Variants in IGF2R observed in about 807,000 individuals in gnomAD.
The protein encoded by IGF2R is insulin like growth factor 2 receptor, also known as cation-independent mannose-6-phosphate receptor.
A neutral mutation model predicts 270.6 loss-of-function variants in IGF2R; 91 were observed. That is an observed-to-expected ratio of 0.34 (90% CI 0.28 to 0.40). The LOEUF (loss-of-function observed/expected upper bound fraction) is 0.40, where lower values mean the gene tolerates loss of function less well. IGF2R is among the 10% of genes least tolerant of loss of function. The pLI, the probability that IGF2R is intolerant of heterozygous loss-of-function variation, is 1.00. For missense variants in IGF2R, 2,805 were observed against 3,188.3 expected, an observed-to-expected ratio of 0.88 and a Z score of 2.90; for synonymous variants, 1,316 against 1,258.9, an observed-to-expected ratio of 1.05 and a Z score of -0.96.
In IGF2R at chr6:160,056,502, C is replaced by G; in HGVS notation, c.2773C>G (p.Gln925Glu). The G allele has an allele frequency of 2.5e-6, 4 of 1,613,106 alleles. No homozygotes were observed. Among genetic ancestry groups the G allele is most frequent in the Non-Finnish European group, 3.4e-6 (4 of 1,179,042 alleles). Residue 925 changes from glutamine (Q) to glutamate (E), a missense_variant, in exon 20 of 48, where the codon CAG becomes GAG. By Grantham distance (29) the Gln-to-Glu change is conservative. Transcript: ENST00000356956. ...GAACACAGAGGCTGCCTGTCCCATT[C>G]AGACAACGACGGATACAGACCAGGT... is the stretch of plus-strand genomic sequence containing the variant. ...LWNTEAACPIQTTTDTDQACS... is the reference protein window; with the variant it reads ...LWNTEAACPIETTTDTDQACS...
intron 10 of IGF2R, among the ~76,000 whole-genome samples, chr6:160,038,184 A>G (rs2063630004): frequency 6.6e-6 from 1 of 152,160 alleles, no homozygotes; most frequent in South Asian, 2.1e-4. Context: ...AATAAACTAG[A>G]GCCTGTGGTG....
At chr6:160,064,747 G>A in intron 28 of IGF2R, 57 bp from the exon 29 acceptor site, 1 of 1,295,508 alleles carries the variant, frequency 7.7e-7, no homozygotes, top group East Asian at 2.3e-5. Context: ...AAAACTCAAA[G>A]TATAAACTAA....
chr6:160,101,276 G>A (rs1779479662), intron 45 of IGF2R, among the ~76,000 whole-genome samples: 1 of 152,228 alleles, frequency 6.6e-6, no homozygotes, highest in Non-Finnish European at 1.5e-5. Context: ...GAGTGATGAT[G>A]TGTCTCTTGG....
chr6:160,009,559 G>A (rs3798191), intron 3 of IGF2R, among the ~76,000 whole-genome samples: 25,615 of 152,074 alleles, frequency 0.17, 2,633 homozygotes, highest in East Asian at 0.43. Context: ...TTTAGGAGAA[G>A]CCTTGGCCCG....
intron 44 of IGF2R, among the ~76,000 whole-genome samples, chr6:160,090,725 A>T (rs1276363229): frequency 2.6e-5 from 4 of 151,858 alleles, no homozygotes; most frequent in Admixed American, 1.3e-4. Flanking sequence ...ATAACTCTTT[A>T]AAAAAAAATG....
At chr6:160,036,101 T>G (rs1381376936) in intron 10 of IGF2R, among the ~76,000 whole-genome samples, 1 of 152,158 alleles carries the variant, frequency 6.6e-6, no homozygotes, top group Non-Finnish European at 1.5e-5. Context: ...GAAACTTGTA[T>G]GTCCTGCAGA....
chr6:160,063,727 T>C (rs1778494183), intron 27 of IGF2R, 97 bp downstream of exon 27: 5 of 863,838 alleles, frequency 5.8e-6, no homozygotes, highest in Non-Finnish European at 7.2e-6. Context: ...GTCAGAAACA[T>C]GAGTGTTCTA....
intron 9 of IGF2R, among the ~76,000 whole-genome samples, chr6:160,033,363 C>CT (rs1398857437): frequency 6.6e-6 from 1 of 152,228 alleles, no homozygotes; most frequent in Non-Finnish European, 1.5e-5. Flanking sequence ...TCTTGAAGTC[C>CT]TTGCCTCGGT....
intron 1 of IGF2R, among the ~76,000 whole-genome samples, chr6:159,985,462 TG>T (rs533054155): frequency 2.0e-5 from 3 of 152,158 alleles, no homozygotes; most frequent in Non-Finnish European, 4.4e-5. Context: ...TCACGTTCTG[TG>T]GGGAGATTTG....
intron 28 of IGF2R, 39 bp from the exon 29 acceptor site, chr6:160,064,765 C>T: frequency 1.4e-6 from 2 of 1,390,720 alleles, no homozygotes; most frequent in African/African-American, 1.4e-5. Context: ...TAAAGTTTTG[C>T]ATTCTCACTT....
intron 11 of IGF2R, 135 bp from the exon 12 acceptor site, chr6:160,043,013 A>C: frequency 1.2e-6 from 1 of 859,832 alleles, no homozygotes; most frequent in East Asian, 2.7e-5. Context: ...GGGTTCCAGA[A>C]ACAGCGCTGG....
chr6:160,073,079 T>TAA, intron 33 of IGF2R, 134 bp from the exon 34 acceptor site: 1 of 1,401,298 alleles, frequency 7.1e-7, no homozygotes, highest in South Asian at 1.4e-5. Context: ...AAACAATGGT[T>TAA]AAAGCCGGAT....
chr6:160,075,707 TA>T, intron 35 of IGF2R, 139 bp from the exon 36 acceptor site: 2 of 763,396 alleles, frequency 2.6e-6, no homozygotes, highest in Non-Finnish European at 4.3e-6. Flanking sequence ...GGAGTTGGTA[TA>T]AACCCAGTTT....
chr6:160,068,375 G>C lies in IGF2R; in HGVS notation c.4242G>C (p.Gln1414His). 6.2e-7 allele frequency: 1 copy of C among 1,614,006 alleles called. No individual in the cohort carries two copies. Among genetic ancestry groups the C allele is most frequent in the Non-Finnish European group, 8.5e-7 (1 of 1,180,022 alleles). Residue 1414 changes from glutamine (Q) to histidine (H), a missense_variant, in exon 30 of 48, where the codon CAG becomes CAC. Gln to His is a conservative substitution (Grantham distance 24). This residue lies in a region of IGF2R where 1,851 missense variants were observed against 2,207.2 expected (regional missense o/e 0.84). Coordinates refer to ENST00000356956, the MANE Select transcript of IGF2R (RefSeq NM_000876.4). The part of the protein sequence containing the change: ...LINVCKSLAP[Q>H]AGTEPCPPEA... ...ATGTCTGCAAGTCTCTGGCCCCGCA[G>C]GCTGGCACTGGTGAGAGAGGGCCTC...
rs1190096573 is a variant in IGF2R, at chr6:160,043,279, T to C, written c.1612T>C (p.Cys538Arg). The C allele has an allele frequency of 1.2e-6, 2 of 1,613,948 alleles. No individual in the cohort carries two copies. Among genetic ancestry groups the C allele is most frequent in the Non-Finnish European group, 1.7e-6 (2 of 1,179,924 alleles). Residue 538 changes from cysteine to arginine, a missense_variant, in exon 12 of 48, where the codon TGT becomes CGT. This residue lies in a region of IGF2R where 954 missense variants were observed against 981.1 expected (regional missense o/e 0.97). Coordinates refer to ENST00000356956, the MANE Select transcript of IGF2R (RefSeq NM_000876.4). The part of the protein sequence containing the change: ...ARGCPEDAAV[C>R]AVDKNGSKNL... ...AGGGTGTCCCGAGGACGCGGCAGTG[T>C]GTGCAGTGGGTGAGTTGTGCCTGGA... is the stretch of plus-strand genomic sequence containing the variant.
rs969807522 is a variant in IGF2R at position 159,996,923 on chromosome 6, C to G, written c.289+5600C>G. ...ACTGCCAGTGGAAATGCAGCTTCCCCTAACAGCCACAGAATGGCCACTGTC... is the reference window on the plus strand; with the variant it reads ...ACTGCCAGTGGAAATGCAGCTTCCCGTAACAGCCACAGAATGGCCACTGTC... On this transcript the variant is annotated intron_variant, in intron 2 of 47. Transcript: ENST00000356956. 1.2e-4 allele frequency among the ~76,000 whole-genome samples: 18 copies of G among 152,324 alleles called. 1 individual carries two copies. Among genetic ancestry groups the G allele is most frequent in the Admixed American group, 1.2e-3 (18 of 15,310 alleles).
intron 41 of IGF2R, 27 bp downstream of exon 41, chr6:160,085,158 G>T (rs759055870): frequency 6.2e-7 from 1 of 1,608,016 alleles, no homozygotes; most frequent in Admixed American, 1.7e-5. Context: ...CTGGTCCTTG[G>T]TTCAAGGAGC....
chr6:159,987,537 G>A (rs556315709), intron 1 of IGF2R, among the ~76,000 whole-genome samples: 7 of 152,128 alleles, frequency 4.6e-5, no homozygotes, highest in East Asian at 1.9e-4. Context: ...GACTATAGGC[G>A]TGCACCACCA....
At chr6:159,990,330 G>T (rs1781229496) in intron 1 of IGF2R, among the ~76,000 whole-genome samples, 1 of 152,102 alleles carries the variant, frequency 6.6e-6, no homozygotes, top group South Asian at 2.1e-4. Flanking sequence ...AATCATGGGG[G>T]CGGTTACCCT....
Sources: allele counts gnomAD v4.1 joint callset (sites outside exome capture counted in the v4.1 genomes callset), GRCh38; gene constraint gnomAD v4.1.1; regional missense constraint gnomAD v4.1.1; transcripts MANE v1.5; gene names NCBI Gene and HGNC (gene_info 2026-07-23, HGNC 2026-07-21).